Variants in CYP2J2 observed in about 807,000 individuals in gnomAD.
CYP2J2 encodes cytochrome P450 2J2.
CYP2J2 carries 41 observed loss-of-function variants against 48.8 expected under a neutral mutation model. The observed-to-expected ratio is 0.84, with a 90% CI of 0.66 to 1.09. The LOEUF (loss-of-function observed/expected upper bound fraction) is 1.09. CYP2J2 is among the 50% of genes least tolerant of loss of function. The probability of loss-of-function intolerance (pLI) is 0.00; values close to 1 mark genes in which losing one functional copy is unlikely to be tolerated. For missense variants in CYP2J2, 644 were observed against 617.3 expected (o/e 1.04, Z -0.46); for synonymous variants, 221 against 227.1 (o/e 0.97, Z 0.24).
At chr1:59,914,639 G>A (rs1388690754) in intron 2 of CYP2J2, among the ~76,000 whole-genome samples, 1 of 152,106 alleles carries the variant, frequency 6.6e-6, no homozygotes, top group Non-Finnish European at 1.5e-5. Context: ...CTCTAGTCTT[G>A]ATAAACCAGG....
chr1:59,916,165 G>T, intron 1 of CYP2J2, 65 bp from the exon 2 acceptor site: 1 of 1,401,130 alleles, frequency 7.1e-7, no homozygotes, highest in Non-Finnish European at 9.9e-7. Flanking sequence ...AATGGAGGAT[G>T]TGTGTAGCTG....
At chr1:59,966,569 C>T in the CYP2J2 span, among the ~76,000 whole-genome samples, 1 of 152,098 alleles carries the variant, frequency 6.6e-6, no homozygotes, top group African/African-American at 2.4e-5. Context: ...TTGCCTAATG[C>T]AACATGAAAT....
chr1:59,952,734 T>C, the CYP2J2 span, among the ~76,000 whole-genome samples: 2 of 152,192 alleles, frequency 1.3e-5, no homozygotes, highest in Non-Finnish European at 2.9e-5. Flanking sequence ...CATCATTTAT[T>C]CATGTGTTCA....
intron 1 of CYP2J2, among the ~76,000 whole-genome samples, chr1:59,921,680 A>C (rs1280249090): frequency 6.6e-6 from 1 of 151,650 alleles, no homozygotes; most frequent in East Asian, 2.0e-4. Flanking sequence ...GCAAACAATC[A>C]GTAGAAACAG....
chr1:59,935,156 C>T, the CYP2J2 span, among the ~76,000 whole-genome samples: 1 of 150,486 alleles, frequency 6.6e-6, no homozygotes, highest in African/African-American at 2.4e-5. Flanking sequence ...AAGCCAGCTA[C>T]AGAAAGGCAA....
At chr1:59,914,814 A>C (rs2102128363) in intron 2 of CYP2J2, among the ~76,000 whole-genome samples, 1 of 152,344 alleles carries the variant, frequency 6.6e-6, no homozygotes, top group South Asian at 2.1e-4. Flanking sequence ...GGGAGGATTA[A>C]TAAAAGAGGA....
the CYP2J2 span, among the ~76,000 whole-genome samples, chr1:59,946,851 G>A: frequency 4.6e-5 from 7 of 152,056 alleles, no homozygotes; most frequent in African/African-American, 1.7e-4. Flanking sequence ...AATACCTAAT[G>A]CATATAGTTC....
chr1:59,943,476 G>A, the CYP2J2 span, among the ~76,000 whole-genome samples: 4 of 152,244 alleles, frequency 2.6e-5, no homozygotes, highest in African/African-American at 9.6e-5. Flanking sequence ...ATGTTGTTGG[G>A]GCAATGCAGA....
chr1:59,962,507 A>G, the CYP2J2 span, among the ~76,000 whole-genome samples: 1 of 152,218 alleles, frequency 6.6e-6, no homozygotes, highest in African/African-American at 2.4e-5. Flanking sequence ...TTGGAGAGCT[A>G]GCAAAGAATT....
At chr1:59,950,987 C>T in the CYP2J2 span, among the ~76,000 whole-genome samples, 1 of 152,284 alleles carries the variant, frequency 6.6e-6, no homozygotes, top group Non-Finnish European at 1.5e-5. Context: ...AGATTCTATT[C>T]CTCAAAGCAA....
At chr1:59,932,843 A>G in the CYP2J2 span, among the ~76,000 whole-genome samples, 2 of 151,960 alleles carry the variant, frequency 1.3e-5, no homozygotes, top group Admixed American at 1.3e-4. Context: ...TGGGATTACA[A>G]GCACATGGCA....
At chr1:59,928,048 T>C (rs11572185), upstream of CYP2J2, among the ~76,000 whole-genome samples, 1 of 152,364 alleles carries the variant, frequency 6.6e-6, no homozygotes, top group South Asian at 2.1e-4. Context: ...CTCAGTATTA[T>C]GTGTTTGAGA....
At chr1:59,924,445 A>T (rs1644545352) in intron 1 of CYP2J2, among the ~76,000 whole-genome samples, 1 of 152,178 alleles carries the variant, frequency 6.6e-6, no homozygotes, top group Admixed American at 6.5e-5. Flanking sequence ...TAACATTCAA[A>T]AGCAAAATTA....
In CYP2J2 at chr1:59,922,972, C is replaced by G. The variant is rs1431542553; in HGVS notation, c.210+3565G>C. 2.0e-5 allele frequency among the ~76,000 whole-genome samples: 3 copies of G among 152,314 alleles called. No individual in the cohort carries two copies. In the East Asian group the frequency reaches 5.8e-4, roughly 29 times the overall value. ...TACCCTTCTCTGCTGAGTCTGTGAGCTGAATTGCGACTTCTATTCCTAAGC... is the reference window on the plus strand; with the variant it reads ...TACCCTTCTCTGCTGAGTCTGTGAGGTGAATTGCGACTTCTATTCCTAAGC... On this transcript the variant is annotated intron_variant, in intron 1 of 8. Transcript: ENST00000371204.
intron 1 of CYP2J2, among the ~76,000 whole-genome samples, chr1:59,919,561 A>G (rs1241705863): frequency 6.6e-6 from 1 of 152,236 alleles, no homozygotes; most frequent in Admixed American, 6.5e-5. Flanking sequence ...TTACAGTCAA[A>G]AAGCTTTTTT....
At chr1:59,925,338 T>C (rs951431426) in intron 1 of CYP2J2, among the ~76,000 whole-genome samples, 6 of 152,174 alleles carry the variant, frequency 3.9e-5, no homozygotes, top group African/African-American at 1.4e-4. Context: ...CCAACAATAA[T>C]TTATATCAAT....
intron 4 of CYP2J2, 84 bp downstream of exon 4, chr1:59,911,524 A>G: frequency 9.3e-7 from 1 of 1,073,496 alleles, no homozygotes; most frequent in South Asian, 2.4e-5. Context: ...CAAAAACCCA[A>G]AAAAAACTAA....
chr1:59,945,430 CTATCTATCT>C, the CYP2J2 span, among the ~76,000 whole-genome samples: 1 of 143,546 alleles, frequency 7.0e-6, no homozygotes, highest in African/African-American at 2.5e-5. Flanking sequence ...ATCTATCTAT[CTATCTATCT>C]ATCTCTCTAT....
chr1:59,968,397 C>T, the CYP2J2 span, among the ~76,000 whole-genome samples: 1 of 152,124 alleles, frequency 6.6e-6, no homozygotes, highest in Non-Finnish European at 1.5e-5. Flanking sequence ...CTCTTGGTCC[C>T]AATCTTCCCA....
Sources: allele counts gnomAD v4.1 joint callset (sites outside exome capture counted in the v4.1 genomes callset), GRCh38; gene constraint gnomAD v4.1.1; transcripts MANE v1.5; gene names NCBI Gene and HGNC (gene_info 2026-07-23, HGNC 2026-07-21).